The following WWOX variants were observed in gnomAD, a reference collection of about 807,000 sequenced individuals.
WWOX encodes the protein WW domain containing oxidoreductase, also known as WW domain-containing oxidoreductase.
A neutral mutation model predicts 46.2 loss-of-function variants in WWOX; 69 were observed. That is an observed-to-expected ratio of 1.49 (90% CI 1.23 to 1.82). The LOEUF is 1.82. Ranked by LOEUF, WWOX falls within the 40% of genes most tolerant of loss-of-function variation. The pLI, the probability that WWOX is intolerant of heterozygous loss-of-function variation, is 0.00. For synonymous variants in WWOX, 359 were observed against 202.6 expected (o/e 1.77, Z -6.56); for missense variants, 919 against 542.6 (o/e 1.69, Z -6.89).
chr16:78,558,969 C>G (rs1029168617), intron 8 of WWOX, among the ~76,000 whole-genome samples: 3 of 152,168 alleles, frequency 2.0e-5, no homozygotes, highest in African/African-American at 7.2e-5. Flanking sequence ...CTGGCTATTC[C>G]AGGCTGTCAG....
intron 6 of WWOX, among the ~76,000 whole-genome samples, chr16:78,416,580 G>T (rs1385020953): frequency 6.6e-6 from 1 of 152,156 alleles, no homozygotes; most frequent in African/African-American, 2.4e-5. Flanking sequence ...TTGGTAGCAA[G>T]TTCCTTGGTT....
intron 8 of WWOX, among the ~76,000 whole-genome samples, chr16:78,782,494 G>A (rs371830017): frequency 6.6e-6 from 1 of 152,064 alleles, no homozygotes; most frequent in Non-Finnish European, 1.5e-5. Flanking sequence ...AGAGTAGGGA[G>A]GAAAAATCAT....
chr16:78,762,903 A>G (rs13337171), intron 8 of WWOX, among the ~76,000 whole-genome samples: 32,592 of 152,210 alleles, frequency 0.21, 5,666 homozygotes, highest in African/African-American at 0.49. Flanking sequence ...CCAGTTTGGT[A>G]AGTGTTATTA....
chr16:78,713,021 G>A (rs1389649292), intron 8 of WWOX, among the ~76,000 whole-genome samples: 1 of 151,988 alleles, frequency 6.6e-6, no homozygotes, highest in Non-Finnish European at 1.5e-5. Flanking sequence ...TGTAATCCCA[G>A]TGCTTTGACA....
chr16:79,097,386 A>G (rs988222262), intron 8 of WWOX, among the ~76,000 whole-genome samples: 51 of 146,880 alleles, frequency 3.5e-4, no homozygotes, highest in South Asian at 1.1e-3. Flanking sequence ...ACTGCAGCCC[A>G]TGGCAGAAGA....
chr16:78,307,975 C>T (rs1026963096), intron 5 of WWOX, among the ~76,000 whole-genome samples: 5 of 152,186 alleles, frequency 3.3e-5, no homozygotes, highest in African/African-American at 1.2e-4. Context: ...ATGTGTGACA[C>T]TCTGGAATGT....
intron 5 of WWOX, among the ~76,000 whole-genome samples, chr16:78,195,792 G>T (rs112874549): frequency 4.2e-5 from 6 of 142,184 alleles, no homozygotes; most frequent in Non-Finnish European, 7.5e-5. Context: ...ACTGCACTCC[G>T]GCCTGGGTGA....
chr16:78,474,541 C>T (rs577025843), intron 8 of WWOX, among the ~76,000 whole-genome samples: 113 of 152,324 alleles, frequency 7.4e-4, no homozygotes, highest in African/African-American at 2.5e-3. Context: ...GTTACTCAAA[C>T]GACAGTCCGT....
intron 8 of WWOX, among the ~76,000 whole-genome samples, chr16:78,787,974 C>T (rs1300860802): frequency 2.6e-5 from 4 of 151,948 alleles, no homozygotes; most frequent in Non-Finnish European, 5.9e-5. Flanking sequence ...AGTCCTTTGC[C>T]CAGTTTTTAA....
chr16:79,095,637 G>T (rs190598147), intron 8 of WWOX, among the ~76,000 whole-genome samples: 192 of 152,278 alleles, frequency 1.3e-3, no homozygotes, highest in African/African-American at 4.4e-3. Flanking sequence ...TGGGACATGA[G>T]TAGGCTCTAA....
intron 8 of WWOX, among the ~76,000 whole-genome samples, chr16:78,931,956 C>T (rs187229829): frequency 1.3e-5 from 2 of 152,308 alleles, no homozygotes; most frequent in Admixed American, 1.3e-4. Context: ...TTATAAAGGG[C>T]AGTTCCCCTG....
At chr16:79,044,407 C>T (rs1271098291) in intron 8 of WWOX, among the ~76,000 whole-genome samples, 1 of 152,144 alleles carries the variant, frequency 6.6e-6, no homozygotes, top group Non-Finnish European at 1.5e-5. Flanking sequence ...TGGTTTACCA[C>T]CATCCTCTTG....
At chr16:78,650,570 G>C (rs933100056) in intron 8 of WWOX, among the ~76,000 whole-genome samples, 3 of 152,180 alleles carry the variant, frequency 2.0e-5, no homozygotes, top group African/African-American at 7.2e-5. Context: ...CATTTTTCAT[G>C]TATAGGTTAT....
intron 8 of WWOX, among the ~76,000 whole-genome samples, chr16:78,667,328 G>T (rs938702917): frequency 6.6e-6 from 1 of 152,060 alleles, no homozygotes; most frequent in African/African-American, 2.4e-5. Flanking sequence ...TATTGAATGG[G>T]TTATCTCAAT....
chr16:78,328,808 G>A (rs1249179628), intron 5 of WWOX, among the ~76,000 whole-genome samples: 1 of 149,872 alleles, frequency 6.7e-6, no homozygotes, highest in African/African-American at 2.5e-5. Context: ...CAGGGTGGTT[G>A]ACCTTTTGCC....
chr16:78,716,849 G>T (rs1263002603), intron 8 of WWOX, among the ~76,000 whole-genome samples: 2 of 152,150 alleles, frequency 1.3e-5, no homozygotes, highest in Admixed American at 1.3e-4. Context: ...CCACAGCTGT[G>T]TGCAGCTTCA....
chr16:78,977,397 G>A (rs2046593884), intron 8 of WWOX, among the ~76,000 whole-genome samples: 1 of 152,092 alleles, frequency 6.6e-6, no homozygotes, highest in African/African-American at 2.4e-5. Flanking sequence ...GAAGTTTGTG[G>A]GGTGGCACTC....
At chr16:78,724,685 C>T (rs1024102914) in intron 8 of WWOX, among the ~76,000 whole-genome samples, 2 of 152,122 alleles carry the variant, frequency 1.3e-5, no homozygotes, top group South Asian at 2.1e-4. Flanking sequence ...AAAATCAGCT[C>T]GTCACCCTTG....
intron 8 of WWOX, among the ~76,000 whole-genome samples, chr16:78,680,104 A>C (rs527968699): frequency 3.2e-4 from 48 of 152,332 alleles, no homozygotes; most frequent in Non-Finnish European, 5.9e-4. Flanking sequence ...CTTAGAGTGA[A>C]GTTTAAATAA....
Sources: gnomAD v4.1 joint callset for allele counts (sites outside exome capture counted in the v4.1 genomes callset) on GRCh38, gnomAD v4.1.1 for gene constraint, MANE v1.5 for transcripts, NCBI Gene and HGNC (gene_info 2026-07-23, HGNC 2026-07-21) for gene names.